The following HUNK variants were observed in gnomAD, a reference collection of about 807,000 sequenced individuals.
HUNK encodes hormonally up-regulated neu tumor-associated kinase.
Under a neutral mutation model 61.0 loss-of-function variants are expected in HUNK, and 21 were observed. The observed-to-expected ratio is 0.34, with a 90% CI of 0.24 to 0.50. The LOEUF (loss-of-function observed/expected upper bound fraction) is 0.50, where lower values mean the gene tolerates loss of function less well. Ranked by LOEUF, HUNK falls within the 20% of genes least tolerant of loss-of-function variation. The pLI is 0.98. For missense variants in HUNK, 772 were observed against 945.7 expected (o/e 0.82, Z 2.41); for synonymous variants, 371 against 386.1 (o/e 0.96, Z 0.46).
rs569144432 is a variant in HUNK, at chr21:31,989,101, T to C, written c.1258-1028T>C. 1.5e-4 allele frequency among the ~76,000 whole-genome samples: 23 copies of C among 152,278 alleles called. No homozygotes were observed. In the South Asian group the frequency reaches 4.6e-3, roughly 30 times the overall value. ...ACTCCCAAGGGGCTGGGATTACAGA[T>C]GTGAGTCACCATGCCTGGCCCAAAT... On this transcript the variant is annotated intron_variant, in intron 8 of 10. Coordinates refer to ENST00000270112, the MANE Select transcript of HUNK (RefSeq NM_014586.2).
intron 1 of HUNK, among the ~76,000 whole-genome samples, chr21:31,896,791 C>T (rs2052427725): frequency 6.6e-6 from 1 of 152,148 alleles, no homozygotes; most frequent in Non-Finnish European, 1.5e-5. Flanking sequence ...GATTACTTTG[C>T]GTATGATTTG....
At chr21:31,902,126 C>T (rs962332962) in intron 1 of HUNK, among the ~76,000 whole-genome samples, 4 of 152,182 alleles carry the variant, frequency 2.6e-5, no homozygotes, top group African/African-American at 9.6e-5. Context: ...ACTGTACATG[C>T]TTCATGTAAC....
intron 9 of HUNK, 22 bp downstream of exon 9, chr21:31,990,198 AT>A (rs755630539): frequency 6.2e-7 from 1 of 1,606,732 alleles, no homozygotes; most frequent in African/African-American, 1.3e-5. Flanking sequence ...GGGGATTATT[AT>A]GTTAGTCAGG....
rs541263368 is a variant in HUNK at position 31,874,267 on chromosome 21, C to T, written c.261+332C>T. On this transcript the variant is annotated intron_variant, in intron 1 of 10. Transcript: ENST00000270112. ...GATGGGGCCCCTCTGCCCTTCAGGC[C>T]GGCAGGGGCGGCGGATCCGTGGCGA... Among the ~76,000 whole-genome samples the T allele has an allele frequency of 1.5e-3, 209 of 136,126 alleles. 2 individuals are homozygous for T. Among genetic ancestry groups the T allele is most frequent in the African/African-American group, 5.0e-3 (184 of 36,634 alleles). 89.3% of individuals were successfully genotyped at this position (136,126 alleles called of 152,430 possible).
chr21:31,904,948 C>G (rs1243111048), intron 1 of HUNK, among the ~76,000 whole-genome samples: 1 of 151,954 alleles, frequency 6.6e-6, no homozygotes. Context: ...CACGGTGGTG[C>G]ACACCTGTAA....
chr21:31,883,907 A>G (rs1265663940), intron 1 of HUNK, among the ~76,000 whole-genome samples: 1 of 152,132 alleles, frequency 6.6e-6, no homozygotes. Context: ...TGTAGATTAT[A>G]CACACTCAGG....
At chr21:31,881,865 G>A (rs35835205) in intron 1 of HUNK, among the ~76,000 whole-genome samples, 63,188 of 151,886 alleles carry the variant, frequency 0.42, 13,444 homozygotes, top group African/African-American at 0.48. Context: ...CACGCTGGGG[G>A]ATTTTCTGGC....
At chr21:31,958,184 A>G (rs1399378735) in intron 4 of HUNK, among the ~76,000 whole-genome samples, 8 of 150,672 alleles carry the variant, frequency 5.3e-5, no homozygotes, top group Admixed American at 4.6e-4. Flanking sequence ...GCAGAGGGCC[A>G]TGGTTCCCCT....
At chr21:31,950,069 C>T (rs775835355) in intron 4 of HUNK, among the ~76,000 whole-genome samples, 1 of 152,198 alleles carries the variant, frequency 6.6e-6, no homozygotes, top group Non-Finnish European at 1.5e-5. Context: ...GCCCCTGAAT[C>T]ACCACCCTCT....
Position 31,974,540 on chromosome 21 carries a change from C to G in HUNK, c.1011-15C>G, listed in dbSNP as rs753094206. ...AGTGCAGGGGTGACTGGTCCTCTCT[C>G]TCTGCACCTCGCAGGATTTCTCTGG... On this transcript the variant is annotated splice_polypyrimidine_tract_variant and intron_variant, in intron 6 of 10. Transcript: ENST00000270112. The G allele has an allele frequency of 3.1e-5, 50 of 1,609,256 alleles. No homozygotes were observed. Among genetic ancestry groups the G allele is most frequent in the Non-Finnish European group, 4.1e-5 (48 of 1,177,770 alleles).
chr21:31,958,337 C>T (rs561577061), intron 4 of HUNK, among the ~76,000 whole-genome samples: 22 of 151,758 alleles, frequency 1.4e-4, no homozygotes, highest in African/African-American at 3.4e-4. Flanking sequence ...TCACTCTTGA[C>T]GCTCAGGCTG....
chr21:31,880,523 C>G (rs951051976), intron 1 of HUNK, among the ~76,000 whole-genome samples: 32 of 152,294 alleles, frequency 2.1e-4, no homozygotes, highest in African/African-American at 7.0e-4. Context: ...TCTGTCTCTG[C>G]GTCTGTCTTC....
chr21:31,967,276 G>C (rs1470807113), intron 5 of HUNK, among the ~76,000 whole-genome samples: 1 of 152,188 alleles, frequency 6.6e-6, no homozygotes, highest in Non-Finnish European at 1.5e-5. Context: ...ACCTGAGCCA[G>C]AGAGATCAAG....
chr21:31,998,866 G>T lies in HUNK; in HGVS notation c.1827G>T (p.Ser609=), dbSNP rs144923714. Reference sequence around the variant, plus strand: ...CGGGTCTGCCATCCGGAAGCATGTCGCCTCTCCATACTCCTTTGCATCCAA... The same window carrying T: ...CGGGTCTGCCATCCGGAAGCATGTCTCCTCTCCATACTCCTTTGCATCCAA... The part of the protein sequence containing the change: ...LSPGLPSGSM[S]PLHTPLHPTL... Residue 609 remains serine (S), a synonymous_variant, in exon 11 of 11, where the codon TCG becomes TCT. Transcript: ENST00000270112. The T allele has an allele frequency of 6.2e-7, 1 of 1,614,026 alleles. No individual in the cohort carries two copies. The highest frequency in any genetic ancestry group is 1.3e-5 in the African/African-American group (1 of 74,908).
rs1230978323 is a variant in HUNK, at chr21:31,873,160, C to A, written c.-515C>A. Among the ~76,000 whole-genome samples, 1 of 152,108 alleles carries A rather than the reference C, an allele frequency of 6.6e-6. No homozygotes were observed. The highest frequency in any genetic ancestry group is 1.5e-5 in the Non-Finnish European group (1 of 68,006). On this transcript the variant is annotated 5_prime_UTR_variant, in exon 1 of 11. Coordinates refer to ENST00000270112, the MANE Select transcript of HUNK (RefSeq NM_014586.2). This position sits in a 1 kb window ranked among gnomAD's most constrained non-coding sequence, Gnocchi z 6.1. The stretch of plus-strand genomic sequence containing the variant: ...TCCAGAGGGCGCCGGCAGCCCGCCG[C>A]GCGCTTCTCTCCGGCGGGAGCGGCC...
intron 8 of HUNK, among the ~76,000 whole-genome samples, chr21:31,986,141 AC>A (rs945974677): frequency 1.1e-4 from 17 of 151,578 alleles, no homozygotes; most frequent in Admixed American, 5.9e-4. Flanking sequence ...CTAAATGTTA[AC>A]CCCCTCTTGC....
Position 32,001,482 on chromosome 21 carries a change from C to T in HUNK, c.*2298C>T, listed in dbSNP as rs2123267261. On this transcript the variant is annotated 3_prime_UTR_variant, in exon 11 of 11. Coordinates refer to ENST00000270112, the MANE Select transcript of HUNK (RefSeq NM_014586.2). ...TCCTTGAGAGCAGGGGTACTTCCGC[C>T]TTGCCGTTAGCTTGTGGAGAACGTG... 1 of 152,522 alleles carries T rather than the reference C, an allele frequency of 6.6e-6. No individual in the cohort carries two copies. The highest frequency in any genetic ancestry group is 2.4e-5 in the African/African-American group (1 of 41,548). The allele number at this position is 152,522 out of a possible 1,614,324, so 9.4% of individuals were successfully genotyped here.
At chr21:31,911,040 A>G (rs1436884404) in intron 1 of HUNK, among the ~76,000 whole-genome samples, 1 of 152,202 alleles carries the variant, frequency 6.6e-6, no homozygotes, top group Non-Finnish European at 1.5e-5. Context: ...CAACTGTACA[A>G]TCACATTGGG....
At chr21:31,975,786 A>G (rs902622908) in intron 7 of HUNK, among the ~76,000 whole-genome samples, 5 of 152,224 alleles carry the variant, frequency 3.3e-5, no homozygotes, top group African/African-American at 1.2e-4. Context: ...AGTTGGGGAA[A>G]TGATATTCTC....
Sources: allele counts gnomAD v4.1 joint callset (sites outside exome capture counted in the v4.1 genomes callset), GRCh38; gene constraint gnomAD v4.1.1; non-coding constraint Gnocchi (gnomAD v3.1); transcripts MANE v1.5; gene names NCBI Gene and HGNC (gene_info 2026-07-23, HGNC 2026-07-21).